Variants in PYGB observed in about 807,000 individuals in gnomAD.
PYGB encodes glycogen phosphorylase, brain form.
Under a neutral mutation model 94.3 loss-of-function variants are expected in PYGB, and 82 were observed. That is an observed-to-expected ratio of 0.87 (90% confidence interval 0.73 to 1.04). PYGB has a LOEUF of 1.04. Among genes scored for constraint, PYGB ranks in the 50% least tolerant of loss-of-function variants. The probability of loss-of-function intolerance (pLI) is 0.00; values close to 1 mark genes in which losing one functional copy is unlikely to be tolerated. For missense variants in PYGB, 1,132 were observed against 1,158.2 expected (o/e 0.98, Z 0.33); for synonymous variants, 488 against 479.1 (o/e 1.02, Z -0.24).
In PYGB at chr20:25,278,246, G is replaced by A; in HGVS notation, c.856-73G>A. 3.2e-6 allele frequency: 5 copies of A among 1,539,498 alleles called. No individual in the cohort carries two copies. In the South Asian group the frequency reaches 6.2e-5, roughly 19 times the overall value. ...CCTTCTGCCTGCACCTTTGAGCCAG[G>A]TCGCTGACCTGGGCTTCCTGGGGGA... On this transcript the variant is annotated intron_variant, in intron 7 of 19. Transcript: ENST00000216962.
At chr20:25,275,519 G>C (rs1412276514) in intron 5 of PYGB, among the ~76,000 whole-genome samples, 1 of 152,252 alleles carries the variant, frequency 6.6e-6, no homozygotes, top group African/African-American at 2.4e-5. Flanking sequence ...GGTGTGCAGA[G>C]GGAGTTGTCT....
At chr20:25,290,330 G>T in intron 15 of PYGB, 151 bp from the exon 16 acceptor site, 1 of 970,330 alleles carries the variant, frequency 1.0e-6, no homozygotes, top group Non-Finnish European at 1.5e-6. Context: ...CCTTGGGGCC[G>T]GGGAGCCTCC....
At chr20:25,269,407 GTCA>G (rs1219276223) in intron 3 of PYGB, among the ~76,000 whole-genome samples, 200 bp downstream of exon 3, 6 of 152,230 alleles carry the variant, frequency 3.9e-5, no homozygotes, top group African/African-American at 1.2e-4. Context: ...CAAGGGACGT[GTCA>G]TCATTATCAC....
intron 1 of PYGB, among the ~76,000 whole-genome samples, chr20:25,249,422 TTC>T (rs1224738382): frequency 2.0e-5 from 3 of 152,218 alleles, no homozygotes; most frequent in African/African-American, 7.2e-5. Flanking sequence ...AGAATTGTCT[TTC>T]TACTACACTA....
At chr20:25,266,252 ATT>A (rs34204571) in intron 2 of PYGB, among the ~76,000 whole-genome samples, 1,605 of 149,242 alleles carry the variant, frequency 0.011, 34 homozygotes, top group African/African-American at 0.037. Flanking sequence ...AGATCAATTG[ATT>A]TTTTTTTTTT....
intron 12 of PYGB, among the ~76,000 whole-genome samples, 195 bp downstream of exon 12, chr20:25,282,342 G>C (rs771734050): frequency 6.6e-6 from 1 of 152,236 alleles, no homozygotes; most frequent in Non-Finnish European, 1.5e-5. Flanking sequence ...TGGGCCTGGC[G>C]GGTCCTGTGT....
chr20:25,290,101 C>T (rs779483851), intron 15 of PYGB, among the ~76,000 whole-genome samples: 6 of 152,226 alleles, frequency 3.9e-5, no homozygotes, highest in Non-Finnish European at 7.3e-5. Flanking sequence ...GTCTGTCCGC[C>T]GTAGCCTGGC....
At chr20:25,280,715 G>A (rs902157108) in intron 10 of PYGB, among the ~76,000 whole-genome samples, 3 of 152,232 alleles carry the variant, frequency 2.0e-5, no homozygotes, top group Non-Finnish European at 2.9e-5. Context: ...CTGGGGAGTT[G>A]GGTGAGCGAG....
In PYGB at chr20:25,271,459, T is replaced by C. The variant is rs373266808; in HGVS notation, c.501T>C (p.Phe167=). ...GAATCCGCTATGAATTTGGGATTTT[T>C]AACCAGAAGATTGTCAATGGCTGGC... The part of the protein sequence containing the change: ...GYGIRYEFGI[F]NQKIVNGWQV... The change falls in exon 4 of 20, where the codon TTT becomes TTC. Residue 167 remains phenylalanine (F), a synonymous_variant. Coordinates refer to ENST00000216962, the MANE Select transcript of PYGB (RefSeq NM_002862.4). 1.2e-6 allele frequency: 2 copies of C among 1,614,030 alleles called. No homozygotes were observed. Among genetic ancestry groups the C allele is most frequent in the African/African-American group, 2.7e-5 (2 of 74,950 alleles).
At chr20:25,294,766 T>G in intron 18 of PYGB, 1 of 665,054 alleles carries the variant, frequency 1.5e-6, no homozygotes. Context: ...TAGTTAGTGT[T>G]TTATTTCAGT....
intron 18 of PYGB, chr20:25,295,093 T>C: frequency 6.6e-7 from 1 of 1,503,970 alleles, no homozygotes; most frequent in East Asian, 2.3e-5. Context: ...TGCTTCTGAC[T>C]CGATAGTGAA....
intron 3 of PYGB, 103 bp from the exon 4 acceptor site, chr20:25,271,280 G>T: frequency 9.4e-7 from 1 of 1,063,768 alleles, no homozygotes; most frequent in African/African-American, 1.6e-5. Flanking sequence ...TGAAGTCAGT[G>T]TGATCCCCTC....
chr20:25,280,561 G>A, intron 10 of PYGB, 149 bp downstream of exon 10: 3 of 1,172,406 alleles, frequency 2.6e-6, no homozygotes, highest in Non-Finnish European at 3.5e-6. Flanking sequence ...CTGTCCCTTG[G>A]CAGAGCTATT....
chr20:25,292,621 C>G lies in PYGB; in HGVS notation c.2177+8C>G. The G allele has an allele frequency of 6.2e-7, 1 of 1,608,402 alleles. No individual in the cohort carries two copies. The highest frequency in any genetic ancestry group is 8.5e-7 in the Non-Finnish European group (1 of 1,178,600). ...GGCCTTGGACCGGAAAGGGTGCGAG[C>G]CTGTGCCCCTGGGCACCTGGCACCG... On this transcript the variant is annotated splice_region_variant and intron_variant, in intron 17 of 19. Coordinates refer to ENST00000216962, the MANE Select transcript of PYGB (RefSeq NM_002862.4).
In PYGB at chr20:25,251,547, A is replaced by G. The variant is rs562360427; in HGVS notation, c.243+3126A>G. Among the ~76,000 whole-genome samples, 6 of 152,340 alleles carry G rather than the reference A, an allele frequency of 3.9e-5. No homozygotes were observed. In the South Asian group the frequency reaches 1.2e-3, roughly 32 times the overall value. ...ATACAGCACAAAAGGTTCACATTAGAAGGCCTCAGAGTGAGGGTTGGGGTG... is the reference window on the plus strand; with the variant it reads ...ATACAGCACAAAAGGTTCACATTAGGAGGCCTCAGAGTGAGGGTTGGGGTG... On this transcript the variant is annotated intron_variant, in intron 1 of 19. Coordinates refer to ENST00000216962, the MANE Select transcript of PYGB (RefSeq NM_002862.4).
At chr20:25,295,305 C>G (rs1357229303) in intron 18 of PYGB, among the ~76,000 whole-genome samples, 1 of 152,252 alleles carries the variant, frequency 6.6e-6, no homozygotes, top group Admixed American at 6.5e-5. Flanking sequence ...CCATGTGCAG[C>G]TCTAACTGCC....
Position 25,279,146 on chromosome 20 carries a change from C to A in PYGB, c.1089C>A (p.Asp363Glu). ...ILVDVEKVDW[D>E]KAWEITKKTC... ...TGGACGTGGAGAAGGTGGACTGGGA[C>A]AAGGTGAGCATGGAGGAAAAGGGCG... The change falls in exon 9 of 20, where the codon GAC becomes GAA. Residue 363 changes from aspartate (D) to glutamate (E), a missense_variant. Physicochemically the swap from Asp to Glu is conservative, Grantham distance 45. Transcript: ENST00000216962. The A allele has an allele frequency of 6.2e-7, 1 of 1,613,676 alleles. No homozygotes were observed. Among genetic ancestry groups the A allele is most frequent in the Non-Finnish European group, 8.5e-7 (1 of 1,179,746 alleles).
At chr20:25,281,985 G>A (rs761449997) in intron 11 of PYGB, 48 bp from the exon 12 acceptor site, 1 of 1,497,520 alleles carries the variant, frequency 6.7e-7, no homozygotes, top group South Asian at 1.1e-5. Context: ...TGCTCACCTG[G>A]TGCAGGGCAC....
chr20:25,288,141 G>A (rs1039081824), intron 14 of PYGB: 148 of 563,742 alleles, frequency 2.6e-4, no homozygotes, highest in Non-Finnish European at 2.6e-4. Flanking sequence ...GCTCGAGTCA[G>A]CTGCTGGGTT....
Sources: gnomAD v4.1 joint callset for allele counts (sites outside exome capture counted in the v4.1 genomes callset) on GRCh38, gnomAD v4.1.1 for gene constraint, MANE v1.5 for transcripts, NCBI Gene and HGNC (gene_info 2026-07-23, HGNC 2026-07-21) for gene names.